Variants in ANGPT2 observed in about 807,000 individuals in gnomAD.
ANGPT2 encodes angiopoietin 2, also known as angiopoietin-2.
ANGPT2 carries 28 observed loss-of-function variants against 62.9 expected under a neutral mutation model. The ratio of observed to expected loss-of-function variants is 0.44; its 90% CI spans 0.33 to 0.61. The LOEUF (loss-of-function observed/expected upper bound fraction) is 0.61. Ranked by LOEUF, ANGPT2 falls within the 20% of genes least tolerant of loss-of-function variation. ANGPT2 has a pLI of 0.03. For synonymous variants in ANGPT2, 284 were observed against 207.8 expected (o/e 1.37, Z -3.15); for missense variants, 727 against 594.9 (o/e 1.22, Z -2.31).
intron 2 of ANGPT2, among the ~76,000 whole-genome samples, chr8:6,528,804 C>G (rs144637336): frequency 6.6e-6 from 1 of 152,222 alleles, no homozygotes; most frequent in Non-Finnish European, 1.5e-5. Flanking sequence ...GTCTTTATGT[C>G]ATTTGCAGGA....
intron 1 of ANGPT2, among the ~76,000 whole-genome samples, chr8:6,561,866 GATCATCTGTGAAACAGTGGA>G (rs535876640): frequency 2.0e-5 from 3 of 152,168 alleles, no homozygotes; most frequent in South Asian, 2.1e-4. Flanking sequence ...GAAACAGTGG[GATCATCTGTGAAACAGTGGA>G]ATCACCCCAA....
In ANGPT2 at chr8:6,501,189, A is replaced by G. The variant is rs1329623361; in HGVS notation, c.*1912T>C. 2 of 152,228 alleles carry G rather than the reference A, an allele frequency of 1.3e-5. No homozygotes were observed. The highest frequency in any genetic ancestry group is 4.8e-5 in the African/African-American group (2 of 41,460). 9.4% of individuals were successfully genotyped at this position (152,228 alleles called of 1,614,324 possible). A position where few individuals can be genotyped will look rare whatever the true frequency, so the allele number is the denominator to read the frequency against. On this transcript the variant is annotated 3_prime_UTR_variant, in exon 9 of 9. Coordinates refer to ENST00000629816, the MANE Select transcript of ANGPT2 (RefSeq NM_001118887.2). ...AATAAAACAGAGCCTTGACTTTGCC[A>G]GAGTCCATCATTGACTCCAAATATG...
In ANGPT2 at chr8:6,502,398, T is replaced by G. The variant is rs1179323419; in HGVS notation, c.*703A>C. The G allele has an allele frequency of 6.6e-6, 1 of 152,254 alleles. No individual in the cohort carries two copies. Among genetic ancestry groups the G allele is most frequent in the Non-Finnish European group, 1.5e-5 (1 of 68,038 alleles). The allele number at this position is 152,254 out of a possible 1,614,324, so 9.4% of individuals were successfully genotyped here. A position where few individuals can be genotyped will look rare whatever the true frequency, so the allele number is the denominator to read the frequency against. On this transcript the variant is annotated 3_prime_UTR_variant, in exon 9 of 9. Coordinates refer to ENST00000629816, the MANE Select transcript of ANGPT2 (RefSeq NM_001118887.2). Reference sequence around the variant, plus strand: ...CATATAAACTAAAATGGCACGTTTCTGTTGATAATTTCAGAGATTCTGGAA... The same window carrying G: ...CATATAAACTAAAATGGCACGTTTCGGTTGATAATTTCAGAGATTCTGGAA...
In ANGPT2 at chr8:6,531,490, C is replaced by A. The variant is rs367960025; in HGVS notation, c.444+842G>T. Among the ~76,000 whole-genome samples, 13 of 152,136 alleles carry A rather than the reference C, an allele frequency of 8.5e-5. No individual in the cohort carries two copies. In the South Asian group the frequency reaches 2.1e-3, roughly 24 times the overall value. ...ATTTTTTAGTAGAGACGGGTTTTCGCCATGTTGGCCAGGCTGGTCTCGAAC... is the reference window on the plus strand; with the variant it reads ...ATTTTTTAGTAGAGACGGGTTTTCGACATGTTGGCCAGGCTGGTCTCGAAC... On this transcript the variant is annotated intron_variant, in intron 2 of 8. Coordinates refer to ENST00000629816, the MANE Select transcript of ANGPT2 (RefSeq NM_001118887.2).
intron 1 of ANGPT2, among the ~76,000 whole-genome samples, chr8:6,539,191 G>C (rs73507141): frequency 0.025 from 3,762 of 152,298 alleles, 145 homozygotes; most frequent in African/African-American, 0.084. Context: ...CAGAGCCTGG[G>C]GGGTAGGCAC....
intron 6 of ANGPT2, among the ~76,000 whole-genome samples, chr8:6,514,268 C>T (rs2515422): frequency 0.42 from 64,305 of 152,078 alleles, 13,873 homozygotes; most frequent in Middle Eastern, 0.53. Flanking sequence ...TGGCTGACTG[C>T]ACCCTCTGCC....
At chr8:6,560,591 G>A (rs1327471139) in intron 1 of ANGPT2, among the ~76,000 whole-genome samples, 4 of 152,092 alleles carry the variant, frequency 2.6e-5, no homozygotes, top group Admixed American at 2.0e-4. Context: ...TGTGGAGCCC[G>A]TGAAAAGATA....
intron 1 of ANGPT2, among the ~76,000 whole-genome samples, chr8:6,547,342 T>C (rs2515490): frequency 0.99 from 151,273 of 152,142 alleles, 75,211 homozygotes; most frequent in Middle Eastern, 1. Context: ...GTTCTGGAGG[T>C]CCGCCCCCTC....
chr8:6,563,079 C>G lies in ANGPT2; in HGVS notation c.-145G>C, dbSNP rs988664574. On this transcript the variant is annotated 5_prime_UTR_variant, in exon 1 of 9. Coordinates refer to ENST00000629816, the MANE Select transcript of ANGPT2 (RefSeq NM_001118887.2). Reference sequence around the variant, plus strand: ...TGAAAGTCTTCTCTTTCCTCTTTTTCCAGTAGCAAACCTGGTTTTTACTGC... The same window carrying G: ...TGAAAGTCTTCTCTTTCCTCTTTTTGCAGTAGCAAACCTGGTTTTTACTGC... 1 of 875,546 alleles carries G rather than the reference C, an allele frequency of 1.1e-6. No homozygotes were observed. The allele number at this position is 875,546 out of a possible 1,614,324, so 54.2% of individuals were successfully genotyped here. A position where few individuals can be genotyped will look rare whatever the true frequency, so the allele number is the denominator to read the frequency against.
rs1816987369 is a variant in ANGPT2 at position 6,519,902 on chromosome 8, A to G, written c.889T>C (p.Tyr297His). 3.1e-6 allele frequency: 5 copies of G among 1,614,132 alleles called. No individual in the cohort carries two copies. Among genetic ancestry groups the G allele is most frequent in the East Asian group, 2.2e-5 (1 of 44,870 alleles). Residue 297 changes from tyrosine to histidine, a missense_variant, in exon 5 of 9, where the codon TAC (tyrosine) becomes CAC (histidine). Tyr to His is a moderately conservative substitution (Grantham distance 83). Coordinates refer to ENST00000629816, the MANE Select transcript of ANGPT2 (RefSeq NM_001118887.2). ...FKSGHTTNGI[Y>H]TLTFPNSTEE... ...GTAGAATTAGGGAATGTTAACGTGT[A>G]GATGCCATTCGTGGTGTGTCCTGAT...
At chr8:6,562,552 C>CTTTTTTTTTGTTTTTTTT (rs1825705638) in intron 1 of ANGPT2, 95 bp downstream of exon 1, 1 of 71,748 alleles carries the variant, frequency 1.4e-5, no homozygotes, top group African/African-American at 6.3e-5. Context: ...CATCCTCCTT[C>CTTTTTTTTTGTTTTTTTT]TTTTTTTTTT....
intron 1 of ANGPT2, among the ~76,000 whole-genome samples, chr8:6,539,025 G>A (rs1267235146): frequency 1.3e-5 from 1 of 76,532 alleles, no homozygotes; most frequent in African/African-American, 4.6e-5. Flanking sequence ...TTTTAGAGTT[G>A]GGCTTGTGTG....
chr8:6,553,612 A>G lies in ANGPT2; in HGVS notation c.288+9035T>C, dbSNP rs369020768. 2.7e-4 allele frequency among the ~76,000 whole-genome samples: 41 copies of G among 152,320 alleles called. 1 individual carries two copies. In the East Asian group the frequency reaches 5.4e-3, roughly 20 times the overall value. On this transcript the variant is annotated intron_variant, in intron 1 of 8. Transcript: ENST00000629816. The stretch of plus-strand genomic sequence containing the variant: ...CATATCCCTTTGCCATAGTTTGGCT[A>G]AATTCCTGAGGCTGGCTGGGGCCAG...
At chr8:6,558,100 CA>C (rs1246432872) in intron 1 of ANGPT2, among the ~76,000 whole-genome samples, 2 of 152,144 alleles carry the variant, frequency 1.3e-5, no homozygotes, top group Non-Finnish European at 2.9e-5. Flanking sequence ...GTCTTCCTTC[CA>C]ACCTCTCGTC....
intron 5 of ANGPT2, among the ~76,000 whole-genome samples, chr8:6,517,665 T>C (rs1165651883): frequency 6.6e-6 from 1 of 152,188 alleles, no homozygotes; most frequent in African/African-American, 2.4e-5. Flanking sequence ...TCCCAAGTTC[T>C]ACCCCAGGGG....
intron 1 of ANGPT2, among the ~76,000 whole-genome samples, chr8:6,538,431 C>T (rs139212012): frequency 1.4e-3 from 219 of 152,290 alleles, no homozygotes; most frequent in Non-Finnish European, 2.2e-3. Flanking sequence ...GTGACCGCAG[C>T]TCACTTTCTT....
chr8:6,526,282 A>T (rs76544592), intron 3 of ANGPT2, among the ~76,000 whole-genome samples: 30 of 142,838 alleles, frequency 2.1e-4, no homozygotes, highest in African/African-American at 8.0e-4. Flanking sequence ...AAAAAAAAAA[A>T]AAATCAGCTG....
intron 2 of ANGPT2, among the ~76,000 whole-genome samples, chr8:6,529,091 G>T (rs796176084): frequency 2.1e-4 from 32 of 152,304 alleles, no homozygotes; most frequent in African/African-American, 7.5e-4. Flanking sequence ...AGGCAGGGAA[G>T]GATGGCATAT....
intron 1 of ANGPT2, among the ~76,000 whole-genome samples, chr8:6,541,755 A>C (rs945821229): frequency 1.3e-5 from 2 of 152,160 alleles, no homozygotes; most frequent in Non-Finnish European, 1.5e-5. Context: ...TGTAATCCCA[A>C]TACTTTAGGG....
Sources: gnomAD v4.1 joint callset for allele counts (sites outside exome capture counted in the v4.1 genomes callset) on GRCh38, gnomAD v4.1.1 for gene constraint, MANE v1.5 for transcripts, NCBI Gene and HGNC (gene_info 2026-07-23, HGNC 2026-07-21) for gene names.